Variants in MUC17 observed in about 807,000 individuals in gnomAD.
The protein encoded by MUC17 is mucin 17, cell surface associated, also known as mucin-17.
A neutral mutation model predicts 170.3 loss-of-function variants in MUC17; 190 were observed. The observed-to-expected ratio is 1.12, with a 90% CI of 0.99 to 1.26. The LOEUF is 1.26. Among genes scored for constraint, MUC17 ranks in the 50% most tolerant of loss-of-function variants. MUC17 has a pLI of 0.00. For missense variants in MUC17, 6,415 were observed against 5,530.0 expected (o/e 1.16, Z -5.08); for synonymous variants, 2,325 against 2,002.5 (o/e 1.16, Z -4.30).
chr7:101,038,418 TGAAG>T lies in MUC17; in HGVS notation c.7006_7009del (p.Gly2336ThrfsTer4), dbSNP rs1562812983. The stretch of plus-strand genomic sequence containing the variant: ...CCAGCATGCCAACCTCAACTTCTAG[TGAAG>T]GAAACACTCCATTAACACGTATGCC... On this transcript the variant is annotated frameshift_variant, in exon 3 of 13. Transcript: ENST00000306151. LOFTEE classifies it high-confidence loss of function. 10 of 1,613,978 alleles carry T rather than the reference TGAAG, an allele frequency of 6.2e-6. No homozygotes were observed. The highest frequency in any genetic ancestry group is 7.6e-6 in the Non-Finnish European group (9 of 1,179,994).
rs1795077811 is a variant in MUC17 at position 101,058,003 on chromosome 7, A to G, written c.13441A>G (p.Ile4481Val). Residue 4481 changes from isoleucine (I) to valine (V), a missense_variant and splice_region_variant, in exon 13 of 13, where the codon ATC (isoleucine) becomes GTC (valine). By Grantham distance (29) the Ile-to-Val change is conservative. Coordinates refer to ENST00000306151, the MANE Select transcript of MUC17 (RefSeq NM_001040105.2). ...SLRHIDPETK[I>V]RIQRPQVMTT... ...CACTTGGTTTTATCTCTCTTTTCAG[A>G]TCCGAATTCAGAGGCCTCAGGTAAT... is the stretch of plus-strand genomic sequence containing the variant. 5.6e-6 allele frequency: 9 copies of G among 1,613,786 alleles called. No individual in the cohort carries two copies. Among genetic ancestry groups the G allele is most frequent in the Non-Finnish European group, 6.8e-6 (8 of 1,179,792 alleles).
Position 101,039,863 on chromosome 7 carries a change from C to G in MUC17, c.8447C>G (p.Pro2816Arg). 6.2e-7 allele frequency: 1 copy of G among 1,607,206 alleles called. No homozygotes were observed. Residue 2816 changes from proline (P) to arginine (R), a missense_variant, in exon 3 of 13, where the codon CCT becomes CGT. By Grantham distance (103) the Pro-to-Arg change is moderately radical. Coordinates refer to ENST00000306151, the MANE Select transcript of MUC17 (RefSeq NM_001040105.2). Reference sequence around the variant, plus strand: ...ACAAGTACTCCATTAACTAGTATGCCTGTCAACCACACGCCAGTGGCCAGT... The same window carrying G: ...ACAAGTACTCCATTAACTAGTATGCGTGTCAACCACACGCCAGTGGCCAGT... The part of the protein sequence containing the change: ...SETSTPLTSM[P>R]VNHTPVASSE...
rs111839436 is a variant in MUC17 at position 101,032,353 on chromosome 7, A to G, written c.937A>G (p.Ser313Gly). The G allele has an allele frequency of 1.2e-6, 2 of 1,613,518 alleles. No homozygotes were observed. The highest frequency in any genetic ancestry group is 2.7e-5 in the African/African-American group (2 of 74,710). The change falls in exon 3 of 13, where the codon AGT becomes GGT. Residue 313 changes from serine (S) to glycine (G), a missense_variant. Transcript: ENST00000306151. ...NIPVITSTEASSSPTTAEGTS... is the reference protein window; with the variant it reads ...NIPVITSTEAGSSPTTAEGTS... ...TCCTGTGATCACTTCTACTGAAGCCAGTTCATCTCCTACAACGGCTGAAGG... is the reference window on the plus strand; with the variant it reads ...TCCTGTGATCACTTCTACTGAAGCCGGTTCATCTCCTACAACGGCTGAAGG...
chr7:101,035,842 T>A lies in MUC17; in HGVS notation c.4426T>A (p.Ser1476Thr). 6.3e-7 allele frequency: 1 copy of A among 1,599,550 alleles called. No homozygotes were observed. The highest frequency in any genetic ancestry group is 8.5e-7 in the Non-Finnish European group (1 of 1,171,462). ...PVANSEASTL[S>T]TTPVDSNSPV... ...GGCCAATTCTGAGGCTAGCACCCTT[T>A]CAACAACTCCTGTTGACTCTAACAG... Residue 1476 changes from serine to threonine, a missense_variant, in exon 3 of 13, where the codon TCA (serine) becomes ACA (threonine). Coordinates refer to ENST00000306151, the MANE Select transcript of MUC17 (RefSeq NM_001040105.2).
rs1239699759 is a variant in MUC17, at chr7:101,039,513, C to T, written c.8097C>T (p.Val2699=). The T allele has an allele frequency of 5.0e-6, 8 of 1,610,804 alleles. No homozygotes were observed. The highest frequency in any genetic ancestry group is 3.3e-5 in the South Asian group (3 of 90,722). Residue 2699 remains valine (V), a synonymous_variant, in exon 3 of 13, where the codon GTC becomes GTT. Transcript: ENST00000306151. ...ERSTPLTNIL[V]STTLLANSEA... is the part of the protein sequence containing the mutation. ...GCACTCCATTAACAAATATACTTGT[C>T]AGCACCACGCTGTTGGCCAATTCTG...
At chr7:101,048,753 C>A in intron 4 of MUC17, 92 bp from the exon 5 acceptor site, 1 of 1,439,872 alleles carries the variant, frequency 6.9e-7, no homozygotes, top group Non-Finnish European at 9.5e-7. Context: ...CCATAAAATA[C>A]AATGGAGCTC....
intron 4 of MUC17, 123 bp downstream of exon 4, chr7:101,048,238 T>C: frequency 1.4e-6 from 1 of 727,388 alleles, no homozygotes; most frequent in Non-Finnish European, 2.0e-6. Flanking sequence ...CTGTGGTGTT[T>C]TTTGTTTTGT....
In MUC17 at chr7:101,021,116, C is replaced by T. The variant is rs569791224; in HGVS notation, c.82+899C>T. 1.9e-4 allele frequency among the ~76,000 whole-genome samples: 29 copies of T among 151,862 alleles called. 1 individual carries two copies. In the Middle Eastern group the frequency reaches 0.017, roughly 90 times the overall value. ...GCCTTCCAGACCCTTGGTGATGTATCTCTAATAACAGCATCTTAGACATGA... is the reference window on the plus strand; with the variant it reads ...GCCTTCCAGACCCTTGGTGATGTATTTCTAATAACAGCATCTTAGACATGA... On this transcript the variant is annotated intron_variant, in intron 1 of 12. Transcript: ENST00000306151.
Position 101,033,380 on chromosome 7 carries a change from A to G in MUC17, c.1964A>G (p.Asp655Gly), listed in dbSNP as rs776559459. Residue 655 changes from aspartate (D) to glycine (G), a missense_variant, in exon 3 of 13, where the codon GAC becomes GGC. Transcript: ENST00000306151. Reference sequence around the variant, plus strand: ...AGCACCCTTTCAACAACTCCTGTTGACTCCAACACTCCTGTGACCACTTCA... The same window carrying G: ...AGCACCCTTTCAACAACTCCTGTTGGCTCCAACACTCCTGTGACCACTTCA... ...EASTLSTTPV[D>G]SNTPVTTSTE... is the part of the protein sequence containing the mutation. The G allele has an allele frequency of 3.1e-6, 5 of 1,613,510 alleles. No individual in the cohort carries two copies. In the Admixed American group the frequency reaches 6.7e-5, roughly 22 times the overall value.
intron 1 of MUC17, among the ~76,000 whole-genome samples, chr7:101,028,177 T>G (rs181568010): frequency 6.6e-6 from 1 of 151,098 alleles, no homozygotes; most frequent in Admixed American, 6.6e-5. Flanking sequence ...CTGCAACCTC[T>G]GCCTCCCAGT....
At position 101,037,138 on chromosome 7, in the gene MUC17, C is replaced by A; in HGVS notation, c.5722C>A (p.Pro1908Thr). ...CACTTATGCTCAAGTCAGTTCATCTCCTACAACTGCTGACGGTAGCAGCAT... is the reference window on the plus strand; with the variant it reads ...CACTTATGCTCAAGTCAGTTCATCTACTACAACTGCTGACGGTAGCAGCAT... ...VTTYAQVSSS[P>T]TTADGSSMPT... Residue 1908 changes from proline (P) to threonine (T), a missense_variant, in exon 3 of 13, where the codon CCT becomes ACT. By Grantham distance (38) the Pro-to-Thr change is conservative. Coordinates refer to ENST00000306151, the MANE Select transcript of MUC17 (RefSeq NM_001040105.2). 3 of 1,612,446 alleles carry A rather than the reference C, an allele frequency of 1.9e-6. No individual in the cohort carries two copies. Among genetic ancestry groups the A allele is most frequent in the Non-Finnish European group, 2.5e-6 (3 of 1,179,686 alleles).
chr7:101,053,644 G>A (rs2116481831), intron 11 of MUC17: 1 of 451,232 alleles, frequency 2.2e-6, no homozygotes, highest in Non-Finnish European at 4.0e-6. Context: ...AAGGGAGGCT[G>A]AGGCAGGTGG....
rs757324452 is a variant in MUC17 at position 101,041,697 on chromosome 7, C to A, written c.10281C>A (p.Asn3427Lys). Residue 3427 changes from asparagine (N) to lysine (K), a missense_variant, in exon 3 of 13, where the codon AAC (asparagine) becomes AAA (lysine). Transcript: ENST00000306151. ...TTTCAACAACTCCTGTGGACTCCAACACTCTGGTGACCACTTCTACTGAAG... is the reference window on the plus strand; with the variant it reads ...TTTCAACAACTCCTGTGGACTCCAAAACTCTGGTGACCACTTCTACTGAAG... Reference protein sequence around the residue: ...NTLSTTPVDSNTLVTTSTEAS... With the variant: ...NTLSTTPVDSKTLVTTSTEAS... 6.2e-7 allele frequency: 1 copy of A among 1,613,970 alleles called. No homozygotes were observed. The highest frequency in any genetic ancestry group is 8.5e-7 in the Non-Finnish European group (1 of 1,179,990).
At chr7:101,023,340 G>A (rs1335279053) in intron 1 of MUC17, among the ~76,000 whole-genome samples, 4 of 152,270 alleles carry the variant, frequency 2.6e-5, no homozygotes, top group South Asian at 4.1e-4. Context: ...AGACCCTGCC[G>A]GGGTGGGGCA....
At chr7:101,047,872 G>A in intron 3 of MUC17, 112 bp from the exon 4 acceptor site, 2 of 1,274,216 alleles carry the variant, frequency 1.6e-6, no homozygotes, top group Non-Finnish European at 1.0e-6. Context: ...CAAACGCATT[G>A]TAAGCTGTAA....
intron 1 of MUC17, among the ~76,000 whole-genome samples, chr7:101,027,240 G>T (rs1345373931): frequency 1.3e-5 from 2 of 152,090 alleles, no homozygotes; most frequent in Non-Finnish European, 2.9e-5. Flanking sequence ...GTGGATGAAA[G>T]GTAGTAAGTG....
Position 101,032,921 on chromosome 7 carries a change from C to T in MUC17, c.1505C>T (p.Pro502Leu). ...CCAACTGCTGAAGTTAACAGCATGC[C>T]AACCTCAACTCCTAGTGAAGGAAGC... ...SPPTAEVNSM[P>L]TSTPSEGSTP... Residue 502 changes from proline (P) to leucine (L), a missense_variant, in exon 3 of 13, where the codon CCA becomes CTA. Pro to Leu is a moderately conservative substitution (Grantham distance 98). Coordinates refer to ENST00000306151, the MANE Select transcript of MUC17 (RefSeq NM_001040105.2). 6.2e-7 allele frequency: 1 copy of T among 1,613,486 alleles called. No individual in the cohort carries two copies. The highest frequency in any genetic ancestry group is 8.5e-7 in the Non-Finnish European group (1 of 1,179,882).
intron 1 of MUC17, among the ~76,000 whole-genome samples, chr7:101,025,465 C>A (rs893864525): frequency 1.3e-5 from 2 of 151,884 alleles, no homozygotes; most frequent in African/African-American, 4.8e-5. Flanking sequence ...GAGTTTAAGA[C>A]CAGCCTGGCT....
chr7:101,026,224 C>T (rs764170177), intron 1 of MUC17, among the ~76,000 whole-genome samples: 3 of 152,228 alleles, frequency 2.0e-5, no homozygotes, highest in Non-Finnish European at 4.4e-5. Context: ...AGCCCTTGGC[C>T]TCCTATATCT....
Sources: gnomAD v4.1 joint callset for allele counts (sites outside exome capture counted in the v4.1 genomes callset) on GRCh38, gnomAD v4.1.1 for gene constraint, MANE v1.5 for transcripts, NCBI Gene and HGNC (gene_info 2026-07-23, HGNC 2026-07-21) for gene names.